The following KYNU variants were observed in gnomAD, a reference collection of about 807,000 sequenced individuals.
The protein encoded by KYNU is kynureninase.
In KYNU, 54 loss-of-function variants were observed where a neutral mutation model predicts 59.2. The observed-to-expected ratio is 0.91, with a 90% CI of 0.73 to 1.14. The LOEUF (loss-of-function observed/expected upper bound fraction) is 1.14. Among genes scored for constraint, KYNU ranks in the 50% most tolerant of loss-of-function variants. The pLI is 0.00. For missense variants in KYNU, 567 were observed against 554.4 expected (o/e 1.02, Z -0.23); for synonymous variants, 177 against 192.0 (o/e 0.92, Z 0.65).
intron 4 of KYNU, among the ~76,000 whole-genome samples, chr2:142,929,676 T>C (rs183212828): frequency 1.3e-5 from 2 of 152,232 alleles, no homozygotes; most frequent in Non-Finnish European, 2.9e-5. Flanking sequence ...GGAAGTGTAG[T>C]AGTTTATAGG....
intron 6 of KYNU, among the ~76,000 whole-genome samples, chr2:142,957,091 C>T (rs1684190092): frequency 1.3e-5 from 2 of 151,962 alleles, no homozygotes; most frequent in African/African-American, 4.8e-5. Context: ...TTTACTCTAG[C>T]CCTTGTAATT....
intron 10 of KYNU, among the ~76,000 whole-genome samples, chr2:143,020,428 G>A (rs1686371330): frequency 6.6e-6 from 1 of 152,012 alleles, no homozygotes; most frequent in Non-Finnish European, 1.5e-5. Context: ...CCATGTATTT[G>A]TACAGTTTCC....
chr2:142,996,417 T>C (rs1573882862), intron 10 of KYNU, among the ~76,000 whole-genome samples: 1 of 152,276 alleles, frequency 6.6e-6, no homozygotes, highest in Non-Finnish European at 1.5e-5. Context: ...CGGGGTCTCA[T>C]TGTGTTGCCC....
At chr2:142,947,748 G>A (rs1463921491) in intron 4 of KYNU, 4 of 153,064 alleles carry the variant, frequency 2.6e-5, no homozygotes, top group Non-Finnish European at 1.5e-5. Flanking sequence ...AATGCTGTGT[G>A]CTATAATTAT....
At chr2:142,886,666 A>C (rs1681524511) in intron 2 of KYNU, among the ~76,000 whole-genome samples, 1 of 152,204 alleles carries the variant, frequency 6.6e-6, no homozygotes. Flanking sequence ...CTGCTATGGG[A>C]GTGAATTGTG....
At chr2:142,917,730 G>A (rs1029291990) in intron 2 of KYNU, among the ~76,000 whole-genome samples, 2 of 152,112 alleles carry the variant, frequency 1.3e-5, no homozygotes, top group Admixed American at 1.3e-4. Context: ...ATATTTTATT[G>A]GTCAGGCTTA....
chr2:142,929,923 T>C (rs997562346), intron 4 of KYNU, among the ~76,000 whole-genome samples: 2 of 152,218 alleles, frequency 1.3e-5, no homozygotes, highest in Non-Finnish European at 2.9e-5. Flanking sequence ...TCAGTTCATC[T>C]CTTCAGGATT....
intron 4 of KYNU, among the ~76,000 whole-genome samples, chr2:142,929,262 A>C (rs1683135430): frequency 6.6e-6 from 1 of 151,656 alleles, no homozygotes; most frequent in Admixed American, 6.6e-5. Flanking sequence ...AAAAATTACA[A>C]AGTCTAAACT....
chr2:142,934,911 C>G (rs1189537997), intron 4 of KYNU, among the ~76,000 whole-genome samples: 1 of 152,172 alleles, frequency 6.6e-6, no homozygotes, highest in Non-Finnish European at 1.5e-5. Flanking sequence ...ATTGTCTGGA[C>G]CAGTAGCCTT....
At chr2:142,902,903 A>G (rs1341115650) in intron 2 of KYNU, among the ~76,000 whole-genome samples, 2 of 152,216 alleles carry the variant, frequency 1.3e-5, no homozygotes, top group Non-Finnish European at 2.9e-5. Context: ...AGCATCTTTA[A>G]AGGCAAATAA....
rs139830812 is a variant in KYNU, at chr2:142,927,070, G to A, written c.291-589G>A. Among the ~76,000 whole-genome samples, 215 of 152,146 alleles carry A rather than the reference G, an allele frequency of 1.4e-3. 1 individual carries two copies. Among genetic ancestry groups the A allele is most frequent in the South Asian group, 5.2e-3 (25 of 4,822 alleles). On this transcript the variant is annotated intron_variant, in intron 3 of 13. Coordinates refer to ENST00000264170, the MANE Select transcript of KYNU (RefSeq NM_003937.3). ...TTGCATTTTTCTACTATGCCTCCTG[G>A]GATACTTACTAGAATAATAAAATTG... is the stretch of plus-strand genomic sequence containing the variant.
intron 10 of KYNU, among the ~76,000 whole-genome samples, chr2:143,004,431 C>A (rs938518045): frequency 2.0e-5 from 3 of 152,120 alleles, no homozygotes; most frequent in Admixed American, 6.5e-5. Context: ...ATAAAGGCAG[C>A]CTGGAATGGT....
chr2:143,001,083 A>G (rs1200167066), intron 10 of KYNU, among the ~76,000 whole-genome samples: 1 of 151,846 alleles, frequency 6.6e-6, no homozygotes, highest in Non-Finnish European at 1.5e-5. Context: ...CTTTGACTCT[A>G]TTTTCCTTCT....
chr2:142,894,720 G>C (rs1681813720), intron 2 of KYNU, among the ~76,000 whole-genome samples: 2 of 152,144 alleles, frequency 1.3e-5, no homozygotes, highest in Admixed American at 1.3e-4. Context: ...ATGAAAATAT[G>C]TATGTTTCCA....
intron 2 of KYNU, among the ~76,000 whole-genome samples, chr2:142,898,470 G>GAAAA: frequency 6.7e-6 from 1 of 149,198 alleles, no homozygotes. Flanking sequence ...TAGTTCAAGG[G>GAAAA]AAAAAAAAAA....
chr2:142,942,623 C>T (rs898473145), intron 4 of KYNU, among the ~76,000 whole-genome samples: 2 of 151,986 alleles, frequency 1.3e-5, no homozygotes, highest in Non-Finnish European at 2.9e-5. Flanking sequence ...AACTGAGGGG[C>T]GTAAGGCAGG....
chr2:143,003,964 C>G (rs1486160448), intron 10 of KYNU, among the ~76,000 whole-genome samples: 1 of 152,138 alleles, frequency 6.6e-6, no homozygotes, highest in Admixed American at 6.5e-5. Context: ...GACTTCTAAT[C>G]GAAGACATTC....
intron 10 of KYNU, among the ~76,000 whole-genome samples, chr2:143,020,117 T>G (rs1686364564): frequency 2.0e-5 from 3 of 152,090 alleles, no homozygotes; most frequent in Admixed American, 2.0e-4. Context: ...TTCTCAATTT[T>G]ATTTATTTCT....
rs1198462069 is a variant in KYNU, at chr2:143,044,475, C to T, written c.*2303C>T. 6.6e-6 allele frequency: 1 copy of T among 152,178 alleles called. No individual in the cohort carries two copies. Among genetic ancestry groups the T allele is most frequent in the East Asian group, 1.9e-4 (1 of 5,196 alleles). The allele number at this position is 152,178 out of a possible 1,614,324, so 9.4% of individuals were successfully genotyped here. On this transcript the variant is annotated 3_prime_UTR_variant, in exon 14 of 14. Transcript: ENST00000264170. ...ACAGTGTAAAAGCATTCCTATTTCTCCACATCCTCTCAGCATCTGTTGTTT... is the reference window on the plus strand; with the variant it reads ...ACAGTGTAAAAGCATTCCTATTTCTTCACATCCTCTCAGCATCTGTTGTTT...
Sources: allele counts gnomAD v4.1 joint callset (sites outside exome capture counted in the v4.1 genomes callset), GRCh38; gene constraint gnomAD v4.1.1; transcripts MANE v1.5; gene names NCBI Gene and HGNC (gene_info 2026-07-23, HGNC 2026-07-21).